PPP2R2C: variants seen among roughly 807,000 people sequenced by gnomAD.
The protein encoded by PPP2R2C is protein phosphatase 2 regulatory subunit Bgamma.
PPP2R2C carries 10 observed loss-of-function variants against 45.3 expected under a neutral mutation model. That is an observed-to-expected ratio of 0.22 (90% CI 0.14 to 0.37). The LOEUF is 0.37. Among genes scored for constraint, PPP2R2C ranks in the 10% least tolerant of loss-of-function variants. The probability of loss-of-function intolerance (pLI) is 1.00; values close to 1 mark genes in which losing one functional copy is unlikely to be tolerated. For synonymous variants in PPP2R2C, 257 were observed against 245.4 expected (o/e 1.05, Z -0.44); for missense variants, 308 against 619.7 (o/e 0.50, Z 5.34).
intron 2 of PPP2R2C, among the ~76,000 whole-genome samples, chr4:6,487,574 C>T (rs1442603638): frequency 6.6e-6 from 1 of 152,070 alleles, no homozygotes; most frequent in African/African-American, 2.4e-5. Flanking sequence ...TGCTGTAATC[C>T]ATATCTTTGC....
intron 8 of PPP2R2C, among the ~76,000 whole-genome samples, chr4:6,325,580 A>G (rs1383193691): frequency 6.6e-6 from 1 of 152,080 alleles, no homozygotes; most frequent in Non-Finnish European, 1.5e-5. Context: ...GTGGAAGGAG[A>G]GCGACATAAT....
At chr4:6,420,854 T>C (rs1403170169) in intron 1 of PPP2R2C, 1 of 834,450 alleles carries the variant, frequency 1.2e-6, no homozygotes, top group African/African-American at 1.8e-5. Flanking sequence ...CCCAGGTCTG[T>C]GCTGGCACAC....
intron 1 of PPP2R2C, among the ~76,000 whole-genome samples, chr4:6,457,258 C>T (rs1721092950): frequency 6.7e-6 from 1 of 149,452 alleles, no homozygotes; most frequent in East Asian, 2.0e-4. Flanking sequence ...CATTTAAAGC[C>T]ATCCTAATAA....
intron 1 of PPP2R2C, among the ~76,000 whole-genome samples, chr4:6,453,852 C>G (rs1458538478): frequency 6.6e-6 from 1 of 152,170 alleles, no homozygotes; most frequent in Non-Finnish European, 1.5e-5. Context: ...TGGGCACCTG[C>G]AAGCCTCCTG....
chr4:6,545,969 G>T (rs911495710), intron 1 of PPP2R2C, among the ~76,000 whole-genome samples: 2 of 151,980 alleles, frequency 1.3e-5, no homozygotes, highest in East Asian at 1.9e-4. Context: ...GGTGGGGGGT[G>T]GGGGGGTTGC....
At chr4:6,437,372 G>C (rs1719941872) in intron 1 of PPP2R2C, among the ~76,000 whole-genome samples, 1 of 152,216 alleles carries the variant, frequency 6.6e-6, no homozygotes, top group African/African-American at 2.4e-5. Flanking sequence ...CAACAACACA[G>C]GATCTGAGAC....
At chr4:6,559,321 T>C (rs772975643) in intron 1 of PPP2R2C, among the ~76,000 whole-genome samples, 19 of 152,040 alleles carry the variant, frequency 1.2e-4, no homozygotes, top group Non-Finnish European at 2.6e-4. Flanking sequence ...AGATAGAGTG[T>C]ATAGTGCATA....
rs367926244 is a variant in PPP2R2C at position 6,483,521 on chromosome 4, C to A, written c.49+51750G>T. On this transcript the variant is annotated intron_variant, in intron 2 of 9. Coordinates refer to the PPP2R2C transcript ENST00000506140. Reference sequence around the variant, plus strand: ...TTGTAGTTTCAGTTTGCATTACCCCCGTGACTAATGATGTTGCTCATCTTT... The same window carrying A: ...TTGTAGTTTCAGTTTGCATTACCCCAGTGACTAATGATGTTGCTCATCTTT... Among the ~76,000 whole-genome samples, 5 of 152,174 alleles carry A rather than the reference C, an allele frequency of 3.3e-5. No homozygotes were observed. The East Asian group carries it at 7.7e-4, about 23-fold the overall frequency.
chr4:6,408,033 C>T (rs940985515), intron 1 of PPP2R2C, among the ~76,000 whole-genome samples: 12 of 152,188 alleles, frequency 7.9e-5, no homozygotes, highest in African/African-American at 2.6e-4. Flanking sequence ...CAAATTATTA[C>T]AATTAATTTC....
At chr4:6,451,884 G>A (rs970071344) in intron 1 of PPP2R2C, among the ~76,000 whole-genome samples, 8 of 152,066 alleles carry the variant, frequency 5.3e-5, no homozygotes, top group Non-Finnish European at 8.8e-5. Context: ...AGGGCTCCAC[G>A]GAACCCTCAC....
chr4:6,480,400 T>C (rs1316504325), intron 2 of PPP2R2C, among the ~76,000 whole-genome samples: 3 of 152,230 alleles, frequency 2.0e-5, no homozygotes, highest in Non-Finnish European at 4.4e-5. Context: ...AACTCTGTGT[T>C]TGATGATGTC....
intron 2 of PPP2R2C, among the ~76,000 whole-genome samples, chr4:6,509,431 C>T (rs1177489074): frequency 1.3e-5 from 2 of 151,458 alleles, no homozygotes; most frequent in Non-Finnish European, 2.9e-5. Flanking sequence ...AAATGTTATT[C>T]AGAAATCAAT....
At chr4:6,348,245 C>A (rs775139442) in intron 5 of PPP2R2C, among the ~76,000 whole-genome samples, 17 of 151,882 alleles carry the variant, frequency 1.1e-4, no homozygotes, top group Non-Finnish European at 2.4e-4. Context: ...CTGGACCCAC[C>A]ACTTCCCTCC....
chr4:6,429,597 G>A (rs939766470), intron 1 of PPP2R2C, among the ~76,000 whole-genome samples: 1 of 152,178 alleles, frequency 6.6e-6, no homozygotes, highest in Non-Finnish European at 1.5e-5. Flanking sequence ...CTCGCCTGCT[G>A]CTGGGTTAAG....
chr4:6,366,908 G>C (rs546189652), intron 5 of PPP2R2C, among the ~76,000 whole-genome samples: 1 of 152,250 alleles, frequency 6.6e-6, no homozygotes, highest in Admixed American at 6.5e-5. Flanking sequence ...AGAGTTTTAA[G>C]GGGGGCTGAC....
intron 1 of PPP2R2C, among the ~76,000 whole-genome samples, chr4:6,541,545 C>CGTTT (rs929081242): frequency 1.3e-5 from 2 of 152,006 alleles, no homozygotes; most frequent in Non-Finnish European, 2.9e-5. Context: ...TGAGTTGTTT[C>CGTTT]GTTTGTTTGT....
chr4:6,374,866 G>A (rs1349004679), intron 4 of PPP2R2C, among the ~76,000 whole-genome samples: 1 of 152,218 alleles, frequency 6.6e-6, no homozygotes, highest in Non-Finnish European at 1.5e-5. Context: ...ATGCTGTGCA[G>A]GGTTGGCGTG....
In PPP2R2C at chr4:6,461,016, T is replaced by C. The variant is rs1048727419; in HGVS notation, c.70+11144A>G. Among the ~76,000 whole-genome samples, 4 of 152,052 alleles carry C rather than the reference T, an allele frequency of 2.6e-5. No individual in the cohort carries two copies. The South Asian group carries it at 8.3e-4, about 32-fold the overall frequency. ...CCCACAGACCCCTCTCTACACAGGA[T>C]GCCCTCTCCCAAGACACCAGCCTTT... On this transcript the variant is annotated intron_variant, in intron 1 of 8. Transcript: ENST00000382599.
chr4:6,413,562 C>CTGGGGATGT (rs1718340023), intron 1 of PPP2R2C, among the ~76,000 whole-genome samples: 2 of 152,212 alleles, frequency 1.3e-5, no homozygotes, highest in Admixed American at 1.3e-4. Context: ...ATCCCAGAGG[C>CTGGGGATGT]TGGGGATGTT....
Sources: allele counts gnomAD v4.1 joint callset (sites outside exome capture counted in the v4.1 genomes callset), GRCh38; gene constraint gnomAD v4.1.1; transcripts MANE v1.5; gene names NCBI Gene and HGNC (gene_info 2026-07-23, HGNC 2026-07-21).